The following KLF8 variants were observed in gnomAD, a reference collection of about 807,000 sequenced individuals.
KLF8 encodes the protein Krueppel-like factor 8.
Under a neutral mutation model 18.2 loss-of-function variants are expected in KLF8, and 10 were observed. The ratio of observed to expected loss-of-function variants is 0.55; its 90% confidence interval spans 0.34 to 0.93. KLF8 has a LOEUF of 0.93. Among genes scored for constraint, KLF8 ranks in the 40% least tolerant of loss-of-function variants. The pLI, the probability that KLF8 is intolerant of heterozygous loss-of-function variation, is 0.02. For missense variants in KLF8, 264 were observed against 277.9 expected, an observed-to-expected ratio of 0.95 and a Z score of 0.36; for synonymous variants, 109 against 97.3, an observed-to-expected ratio of 1.12 and a Z score of -0.71.
the KLF8 span, among the ~76,000 whole-genome samples, chrX:56,160,292 G>A: frequency 8.9e-6 from 1 of 111,795 alleles, no homozygotes; most frequent in Non-Finnish European, 1.9e-5. Flanking sequence ...ATTTGCTAAG[G>A]AGACCTTTAC....
chrX:56,158,072 T>G, the KLF8 span, among the ~76,000 whole-genome samples: 1 of 111,699 alleles, frequency 9.0e-6, no homozygotes. Context: ...TTGTATAAGG[T>G]GTAAGGAAGG....
chrX:56,024,951 G>A, the KLF8 span, among the ~76,000 whole-genome samples: 1 of 112,118 alleles, frequency 8.9e-6, no homozygotes, highest in Non-Finnish European at 1.9e-5. Flanking sequence ...GCCTCCCAAA[G>A]TACTTTTCCT....
At chrX:56,279,842 G>T (rs1195848646) in intron 5 of KLF8, among the ~76,000 whole-genome samples, 1 of 112,009 alleles carries the variant, frequency 8.9e-6, no homozygotes, top group African/African-American at 3.2e-5. Flanking sequence ...AATGGGTAAA[G>T]CCCCATAGGA....
chrX:56,213,034 G>A, the KLF8 span, among the ~76,000 whole-genome samples: 1 of 111,496 alleles, frequency 9.0e-6, no homozygotes, highest in African/African-American at 3.3e-5. Context: ...TGGCACTGAT[G>A]CATGAAATAA....
chrX:56,090,807 C>A, the KLF8 span, among the ~76,000 whole-genome samples: 2 of 111,417 alleles, frequency 1.8e-5, no homozygotes, highest in African/African-American at 6.5e-5. Context: ...GAGTCCTCAG[C>A]GTCTATTTTT....
At chrX:56,079,305 T>A in the KLF8 span, among the ~76,000 whole-genome samples, 1 of 110,743 alleles carries the variant, frequency 9.0e-6, no homozygotes, top group African/African-American at 3.3e-5. Context: ...CTCTACACAC[T>A]GCTTTGAATG....
At chrX:56,195,765 C>T in the KLF8 span, among the ~76,000 whole-genome samples, 1 of 111,272 alleles carries the variant, frequency 9.0e-6, no homozygotes, top group African/African-American at 3.3e-5. Flanking sequence ...AGAGCAATCC[C>T]AAGACACATA....
rs540830099 is a variant in KLF8, at chrX:56,269,542, T to C, written c.758+53T>C. Reference sequence around the variant, plus strand: ...CTTTGTGTATGTGTGTGTGTGTGTGTGTGTGTACATTTGCACATATGTATA... The same window carrying C: ...CTTTGTGTATGTGTGTGTGTGTGTGCGTGTGTACATTTGCACATATGTATA... On this transcript the variant is annotated intron_variant, in intron 4 of 5. Coordinates refer to ENST00000468660, the MANE Select transcript of KLF8 (RefSeq NM_007250.5). The C allele has an allele frequency of 1.2e-3, 1,370 of 1,114,963 alleles. 16 individuals carry two copies. In the South Asian group the frequency reaches 0.031, roughly 25 times the overall value. 91.9% of individuals were successfully genotyped at this position (1,114,963 alleles called of 1,213,427 possible).
At chrX:55,919,400 G>A in the KLF8 span, among the ~76,000 whole-genome samples, 1 of 111,659 alleles carries the variant, frequency 9.0e-6, no homozygotes, top group Non-Finnish European at 1.9e-5. Context: ...CTGGATTACC[G>A]CTGCAAACTC....
the KLF8 span, among the ~76,000 whole-genome samples, chrX:56,029,204 C>A: frequency 9.0e-6 from 1 of 110,531 alleles, no homozygotes; most frequent in African/African-American, 3.3e-5. Flanking sequence ...ATCTCCTGAC[C>A]TGGCTCGGTT....
intron 5 of KLF8, among the ~76,000 whole-genome samples, chrX:56,278,890 G>T (rs1207637996): frequency 9.0e-6 from 1 of 111,557 alleles, no homozygotes; most frequent in Non-Finnish European, 1.9e-5. Context: ...TCCCTCCATG[G>T]GTGGGAGTCA....
At chrX:55,971,095 G>A in the KLF8 span, among the ~76,000 whole-genome samples, 2 of 111,154 alleles carry the variant, frequency 1.8e-5, no homozygotes, top group Middle Eastern at 4.2e-3. Context: ...AACAGACCTA[G>A]AATAGCCAAA....
chrX:56,181,162 T>C, the KLF8 span, among the ~76,000 whole-genome samples: 81 of 112,001 alleles, frequency 7.2e-4, 4 homozygotes, highest in South Asian at 0.028. Flanking sequence ...TGGGTGCATA[T>C]ATATTTAGGA....
the KLF8 span, among the ~76,000 whole-genome samples, chrX:56,222,339 A>G: frequency 1.6e-4 from 17 of 108,440 alleles, no homozygotes; most frequent in Admixed American, 1.6e-3. Flanking sequence ...AGACATAAAG[A>G]TTCTCCAAGT....
chrX:55,977,589 C>T, the KLF8 span, among the ~76,000 whole-genome samples: 44 of 110,526 alleles, frequency 4.0e-4, no homozygotes, highest in Non-Finnish European at 7.8e-4. Flanking sequence ...GATAATTGTT[C>T]AAATGGATGT....
the KLF8 span, among the ~76,000 whole-genome samples, chrX:56,105,256 T>C: frequency 3.6e-5 from 4 of 111,744 alleles, no homozygotes; most frequent in Non-Finnish European, 7.5e-5. Flanking sequence ...TGAGTTCAAG[T>C]CCTGGATATC....
At chrX:56,091,757 AGT>A in the KLF8 span, among the ~76,000 whole-genome samples, 1 of 112,138 alleles carries the variant, frequency 8.9e-6, no homozygotes, top group Non-Finnish European at 1.9e-5. Flanking sequence ...GGCCTCCCAA[AGT>A]GCTGGAATTA....
At chrX:56,251,453 A>G (rs753104406) in intron 2 of KLF8, among the ~76,000 whole-genome samples, 47 of 108,311 alleles carry the variant, frequency 4.3e-4, no homozygotes, top group Non-Finnish European at 5.9e-4. Flanking sequence ...ATTTTTATAT[A>G]TTTATTTATT....
the KLF8 span, among the ~76,000 whole-genome samples, chrX:55,949,432 G>C: frequency 9.2e-6 from 1 of 108,516 alleles, no homozygotes; most frequent in African/African-American, 3.3e-5. Flanking sequence ...ATCCTCTGTT[G>C]ATAATAATTG....
Sources: gnomAD v4.1 joint callset for allele counts (sites outside exome capture counted in the v4.1 genomes callset) on GRCh38, gnomAD v4.1.1 for gene constraint, MANE v1.5 for transcripts, NCBI Gene and HGNC (gene_info 2026-07-23, HGNC 2026-07-21) for gene names.